FBXL20: variants seen among roughly 807,000 people sequenced by gnomAD.
FBXL20 encodes the protein F-box/LRR-repeat protein 20.
Under a neutral mutation model 64.0 loss-of-function variants are expected in FBXL20, and 11 were observed. The observed-to-expected ratio is 0.17, with a 90% CI of 0.11 to 0.28. The LOEUF (loss-of-function observed/expected upper bound fraction) is 0.28. Among genes scored for constraint, FBXL20 ranks in the 10% least tolerant of loss-of-function variants. The pLI is 1.00. For missense variants in FBXL20, 303 were observed against 526.2 expected (o/e 0.58, Z 4.15); for synonymous variants, 184 against 189.0 (o/e 0.97, Z 0.22).
intron 1 of FBXL20, among the ~76,000 whole-genome samples, chr17:39,378,375 T>C (rs1321136140): frequency 6.6e-6 from 1 of 152,120 alleles, no homozygotes; most frequent in East Asian, 1.9e-4. Flanking sequence ...TTGAGAGGCG[T>C]AGGCAGGAAG....
intron 6 of FBXL20, among the ~76,000 whole-genome samples, chr17:39,289,400 G>A (rs2047017330): frequency 6.6e-6 from 1 of 152,228 alleles, no homozygotes. Flanking sequence ...GCTCAGGCCT[G>A]TAATCCCAAC....
chr17:39,347,018 A>G (rs1241681965), intron 1 of FBXL20, among the ~76,000 whole-genome samples: 1 of 152,074 alleles, frequency 6.6e-6, no homozygotes, highest in East Asian at 1.9e-4. Context: ...AAGGACATGA[A>G]CTCATCCTTT....
At chr17:39,303,551 G>A (rs757381181) in intron 3 of FBXL20, 34 bp downstream of exon 3, 1 of 1,581,384 alleles carries the variant, frequency 6.3e-7, no homozygotes, top group Admixed American at 1.8e-5. Context: ...GTATGAAGAA[G>A]GGGTCCCCCT....
intron 14 of FBXL20, 139 bp from the exon 15 acceptor site, chr17:39,261,706 G>A (rs1473796001): frequency 8.0e-6 from 5 of 623,670 alleles, no homozygotes; most frequent in Non-Finnish European, 1.4e-5. Flanking sequence ...GATGTTAGAG[G>A]GCCTGGGTTC....
At chr17:39,350,120 T>C (rs186248962) in intron 1 of FBXL20, among the ~76,000 whole-genome samples, 141 of 152,342 alleles carry the variant, frequency 9.3e-4, no homozygotes, top group African/African-American at 3.1e-3. Flanking sequence ...TAAGGCACTA[T>C]GTTCACTTCA....
In FBXL20 at chr17:39,280,359, G is replaced by A. The variant is rs182246461; in HGVS notation, c.696+1030C>T. Among the ~76,000 whole-genome samples the A allele has an allele frequency of 6.1e-5, 9 of 147,508 alleles. No individual in the cohort carries two copies. The East Asian group carries it at 9.9e-4, about 16-fold the overall frequency. ...CAGGGTTGCAGTGAGCCGAGATAGC[G>A]TCACTGCACTCTAGCCTGGGCGACA... is the stretch of plus-strand genomic sequence containing the variant. On this transcript the variant is annotated intron_variant, in intron 9 of 14. Coordinates refer to ENST00000264658, the MANE Select transcript of FBXL20 (RefSeq NM_032875.3).
At chr17:39,283,815 TATGG>T (rs1418381961) in intron 7 of FBXL20, among the ~76,000 whole-genome samples, 1 of 152,216 alleles carries the variant, frequency 6.6e-6, no homozygotes, top group African/African-American at 2.4e-5. Context: ...ATATTTGTAT[TATGG>T]ATGAATTCCA....
At chr17:39,288,170 T>C (rs2047005905) in intron 6 of FBXL20, among the ~76,000 whole-genome samples, 1 of 151,966 alleles carries the variant, frequency 6.6e-6, no homozygotes, top group Non-Finnish European at 1.5e-5. Context: ...TTTCACCAAG[T>C]TAGTCAGGCT....
chr17:39,340,603 T>C (rs574308423), intron 2 of FBXL20, among the ~76,000 whole-genome samples: 2 of 152,296 alleles, frequency 1.3e-5, no homozygotes, highest in African/African-American at 4.8e-5. Context: ...TTAATATTAA[T>C]TGAGAAAGCT....
chr17:39,285,321 T>C (rs1187608290), intron 7 of FBXL20, among the ~76,000 whole-genome samples, 157 bp downstream of exon 7: 2 of 152,118 alleles, frequency 1.3e-5, no homozygotes, highest in Non-Finnish European at 2.9e-5. Context: ...TGTCCCATAA[T>C]TGTAATTTGG....
At chr17:39,381,863 G>A (rs991523070) in intron 1 of FBXL20, among the ~76,000 whole-genome samples, 3 of 150,256 alleles carry the variant, frequency 2.0e-5, no homozygotes, top group African/African-American at 4.9e-5. Context: ...TCGGGAAGCC[G>A]AGGGGGGCGG....
intron 13 of FBXL20, 85 bp downstream of exon 13, chr17:39,265,312 G>A: frequency 2.9e-6 from 3 of 1,025,644 alleles, no homozygotes; most frequent in Non-Finnish European, 2.9e-6. Flanking sequence ...ATGGTAGCCA[G>A]ACACTAAGAG....
chr17:39,364,160 G>A (rs576261003), intron 1 of FBXL20, among the ~76,000 whole-genome samples: 67 of 152,192 alleles, frequency 4.4e-4, no homozygotes, highest in South Asian at 1.7e-3. Context: ...AAAGTGCTGG[G>A]ATTACAAGAT....
intron 1 of FBXL20, among the ~76,000 whole-genome samples, chr17:39,346,722 T>C (rs71369746): frequency 0.045 from 6,868 of 152,164 alleles, 519 homozygotes; most frequent in African/African-American, 0.16. Flanking sequence ...CTTTAAGTTC[T>C]AGGGTACATG....
At chr17:39,280,235 CA>C (rs35241441) in intron 9 of FBXL20, among the ~76,000 whole-genome samples, 172 of 105,366 alleles carry the variant, frequency 1.6e-3, no homozygotes, top group African/African-American at 5.2e-3. Flanking sequence ...GACTCCGTCT[CA>C]AAAAAAAAAA....
In FBXL20 at chr17:39,256,778, C is replaced by T. The variant is rs545757747; in HGVS notation, c.*4682G>A. 15 of 152,240 alleles carry T rather than the reference C, an allele frequency of 9.9e-5. No individual in the cohort carries two copies. Among genetic ancestry groups the T allele is most frequent in the African/African-American group, 3.1e-4 (13 of 41,526 alleles). The allele number at this position is 152,240 out of a possible 1,614,324, so 9.4% of individuals were successfully genotyped here. A position where few individuals can be genotyped will look rare whatever the true frequency, so the allele number is the denominator to read the frequency against. On this transcript the variant is annotated 3_prime_UTR_variant, in exon 15 of 15. Coordinates refer to ENST00000264658, the MANE Select transcript of FBXL20 (RefSeq NM_032875.3). ...TAAACATAAAATGGCCAAGGGTCACCCATGACCCATGAGTGCTCTTCTCCC... is the reference window on the plus strand; with the variant it reads ...TAAACATAAAATGGCCAAGGGTCACTCATGACCCATGAGTGCTCTTCTCCC...
chr17:39,343,828 T>C (rs1039351580), intron 1 of FBXL20, among the ~76,000 whole-genome samples: 4 of 152,008 alleles, frequency 2.6e-5, no homozygotes, highest in East Asian at 1.9e-4. Flanking sequence ...CCTGGGTAGC[T>C]GAGGTTACAG....
chr17:39,382,894 C>A (rs1440558053), intron 1 of FBXL20, among the ~76,000 whole-genome samples: 1 of 151,810 alleles, frequency 6.6e-6, no homozygotes, highest in African/African-American at 2.4e-5. Context: ...CGGTGGCTCA[C>A]GCCTGTAGTC....
chr17:39,302,897 C>G (rs950371662), intron 3 of FBXL20, among the ~76,000 whole-genome samples: 1 of 151,830 alleles, frequency 6.6e-6, no homozygotes, highest in Non-Finnish European at 1.5e-5. Flanking sequence ...AGAAAAGATA[C>G]TATCATTGCT....
Sources: gnomAD v4.1 joint callset for allele counts (sites outside exome capture counted in the v4.1 genomes callset) on GRCh38, gnomAD v4.1.1 for gene constraint, MANE v1.5 for transcripts, NCBI Gene and HGNC (gene_info 2026-07-23, HGNC 2026-07-21) for gene names.